The following SLC25A21 variants were observed in gnomAD, a reference collection of about 807,000 sequenced individuals.
The protein encoded by SLC25A21 is solute carrier family 25 member 21.
Under a neutral mutation model 43.8 loss-of-function variants are expected in SLC25A21, and 47 were observed. That is an observed-to-expected ratio of 1.07 (90% confidence interval 0.85 to 1.37). SLC25A21 has a LOEUF of 1.37. Ranked by LOEUF, SLC25A21 falls within the 40% of genes most tolerant of loss-of-function variation. The probability of loss-of-function intolerance (pLI) is 0.00; values close to 1 mark genes in which losing one functional copy is unlikely to be tolerated. For missense variants in SLC25A21, 352 were observed against 350.2 expected (o/e 1.00, Z -0.04); for synonymous variants, 131 against 121.3 (o/e 1.08, Z -0.52).
intron 1 of SLC25A21, among the ~76,000 whole-genome samples, chr14:37,096,119 C>T (rs534903741): frequency 8.8e-4 from 133 of 151,902 alleles, no homozygotes; most frequent in Non-Finnish European, 1.4e-3. Context: ...TGAAATATAC[C>T]AACTAAATGC....
chr14:37,053,332 G>C (rs978850550), intron 1 of SLC25A21, among the ~76,000 whole-genome samples: 6 of 152,130 alleles, frequency 3.9e-5, no homozygotes, highest in African/African-American at 1.2e-4. Context: ...TTTTGCAGAG[G>C]AATCTATTAG....
At chr14:37,082,847 T>C (rs890110101) in intron 1 of SLC25A21, among the ~76,000 whole-genome samples, 1 of 152,216 alleles carries the variant, frequency 6.6e-6, no homozygotes, top group Non-Finnish European at 1.5e-5. Flanking sequence ...TCTTCAGTAA[T>C]ACTAAAGAAG....
chr14:37,046,844 G>C (rs568411159), intron 1 of SLC25A21, among the ~76,000 whole-genome samples: 1 of 152,256 alleles, frequency 6.6e-6, no homozygotes, highest in East Asian at 1.9e-4. Context: ...GGTGGGTTGT[G>C]GAAGACAGCT....
At chr14:37,022,229 GTAA>G (rs1961003024) in intron 1 of SLC25A21, among the ~76,000 whole-genome samples, 1 of 151,792 alleles carries the variant, frequency 6.6e-6, no homozygotes, top group South Asian at 2.1e-4. Flanking sequence ...AACTTACTTT[GTAA>G]TAATAATTTT....
At chr14:36,888,141 C>T (rs1339730099) in intron 1 of SLC25A21, among the ~76,000 whole-genome samples, 1 of 152,086 alleles carries the variant, frequency 6.6e-6, no homozygotes, top group Non-Finnish European at 1.5e-5. Flanking sequence ...ATGCTACTGC[C>T]CAAATCTGAC....
At position 36,793,343 on chromosome 14, in the gene SLC25A21, C is replaced by T. The variant is rs188754596; in HGVS notation, c.203+20575G>A. Among the ~76,000 whole-genome samples, 27 of 151,912 alleles carry T rather than the reference C, an allele frequency of 1.8e-4. No homozygotes were observed. The East Asian group carries it at 2.3e-3, about 13-fold the overall frequency. On this transcript the variant is annotated intron_variant, in intron 3 of 9. Coordinates refer to ENST00000331299, the MANE Select transcript of SLC25A21 (RefSeq NM_030631.4). ...AAATTGTTTTTGTCCCTGGAAAATA[C>T]GGAAACACATGAATAATGGAAAAAT...
chr14:36,973,225 G>A (rs1959793341), intron 1 of SLC25A21, among the ~76,000 whole-genome samples: 1 of 152,046 alleles, frequency 6.6e-6, no homozygotes, highest in Non-Finnish European at 1.5e-5. Flanking sequence ...AAGACAGATA[G>A]GAATGGCAGG....
chr14:36,716,710 C>A (rs1216500856), intron 6 of SLC25A21, among the ~76,000 whole-genome samples: 2 of 152,114 alleles, frequency 1.3e-5, no homozygotes, highest in Non-Finnish European at 2.9e-5. Context: ...TGGAGTTCTT[C>A]CATCTGACTA....
intron 1 of SLC25A21, among the ~76,000 whole-genome samples, chr14:37,018,926 C>T (rs1482802073): frequency 6.6e-6 from 1 of 151,934 alleles, no homozygotes; most frequent in Non-Finnish European, 1.5e-5. Context: ...AAAGATGGAA[C>T]TATTAGAAAA....
At chr14:36,893,050 T>C (rs1461084157) in intron 1 of SLC25A21, among the ~76,000 whole-genome samples, 1 of 152,200 alleles carries the variant, frequency 6.6e-6, no homozygotes, top group African/African-American at 2.4e-5. Flanking sequence ...TTATAATCCT[T>C]TGGGTATATA....
Position 36,679,913 on chromosome 14 carries a change from T to TAGA in SLC25A21, c.*742_*744dup, listed in dbSNP as rs894466915. 102 of 947,258 alleles carry TAGA rather than the reference T, an allele frequency of 1.1e-4. No homozygotes were observed. The African/African-American group carries it at 1.7e-3, about 16-fold the overall frequency. The allele number at this position is 947,258 out of a possible 1,614,324, so 58.7% of individuals were successfully genotyped here. A position where few individuals can be genotyped will look rare whatever the true frequency, so the allele number is the denominator to read the frequency against. On this transcript the variant is annotated 3_prime_UTR_variant, in exon 10 of 10. Coordinates refer to ENST00000331299, the MANE Select transcript of SLC25A21 (RefSeq NM_030631.4). ...TTTATTTCATGTTTCCTACTTGTGT[T>TAGA]AGAAGAGATTTGGAATACCTTGATT...
At chr14:36,850,444 C>T (rs1158033555) in intron 2 of SLC25A21, among the ~76,000 whole-genome samples, 1 of 151,964 alleles carries the variant, frequency 6.6e-6, no homozygotes, top group Non-Finnish European at 1.5e-5. Context: ...TTTTTTTATA[C>T]ACACTAGCTT....
chr14:36,693,996 T>C (rs1272077589), intron 7 of SLC25A21, among the ~76,000 whole-genome samples: 2 of 152,148 alleles, frequency 1.3e-5, no homozygotes, highest in Non-Finnish European at 2.9e-5. Context: ...ATGTGCCATG[T>C]TGGTTTGCTG....
intron 1 of SLC25A21, among the ~76,000 whole-genome samples, chr14:36,954,580 ATGT>A: frequency 6.6e-6 from 1 of 152,180 alleles, no homozygotes; most frequent in East Asian, 1.9e-4. Flanking sequence ...GTATAATATG[ATGT>A]TCTGAAATAG....
intron 1 of SLC25A21, among the ~76,000 whole-genome samples, chr14:36,964,725 C>T (rs1366321013): frequency 6.6e-6 from 1 of 152,154 alleles, no homozygotes; most frequent in African/African-American, 2.4e-5. Flanking sequence ...GCAGTATAAT[C>T]ACATAATCCC....
chr14:36,719,867 G>A (rs1007790740), intron 6 of SLC25A21, among the ~76,000 whole-genome samples: 16 of 152,126 alleles, frequency 1.1e-4, no homozygotes, highest in Non-Finnish European at 1.8e-4. Context: ...AGGAGAGCCC[G>A]GGGCAGCTGG....
rs928429112 is a variant in SLC25A21, at chr14:37,093,374, T to C, written c.70+78907A>G. On this transcript the variant is annotated intron_variant, in intron 1 of 9. Coordinates refer to ENST00000331299, the MANE Select transcript of SLC25A21 (RefSeq NM_030631.4). ...CTCCAGTTTCTCTGGATTAGGATAA[T>C]GAATAGAACTGAATGTTACCCACGC... Among the ~76,000 whole-genome samples, 10 of 152,346 alleles carry C rather than the reference T, an allele frequency of 6.6e-5. No homozygotes were observed. In the South Asian group the frequency reaches 1.0e-3, roughly 16 times the overall value.
intron 1 of SLC25A21, among the ~76,000 whole-genome samples, chr14:37,002,956 C>A (rs1302824700): frequency 6.6e-6 from 1 of 152,158 alleles, no homozygotes; most frequent in African/African-American, 2.4e-5. Context: ...ATCAGTAATT[C>A]CTCTTCTTAG....
chr14:37,148,215 C>T (rs935635771), intron 1 of SLC25A21, among the ~76,000 whole-genome samples: 15 of 151,940 alleles, frequency 9.9e-5, no homozygotes, highest in African/African-American at 2.9e-4. Flanking sequence ...TCAACTTGCC[C>T]GCAAATGTGA....
Sources: gnomAD v4.1 joint callset for allele counts (sites outside exome capture counted in the v4.1 genomes callset) on GRCh38, gnomAD v4.1.1 for gene constraint, MANE v1.5 for transcripts, NCBI Gene and HGNC (gene_info 2026-07-23, HGNC 2026-07-21) for gene names.